ARHGAP11A: variants seen among roughly 807,000 people sequenced by gnomAD.
The protein encoded by ARHGAP11A is rho GTPase-activating protein 11A.
A neutral mutation model predicts 60.5 loss-of-function variants in ARHGAP11A; 36 were observed. That is an observed-to-expected ratio of 0.59 (90% CI 0.46 to 0.79). The LOEUF is 0.79. ARHGAP11A is among the 30% of genes least tolerant of loss of function. The probability of loss-of-function intolerance (pLI) is 0.00; values close to 1 mark genes in which losing one functional copy is unlikely to be tolerated. For missense variants in ARHGAP11A, 1,071 were observed against 1,199.2 expected (o/e 0.89, Z 1.58); for synonymous variants, 362 against 415.5 (o/e 0.87, Z 1.57).
Position 32,624,400 on chromosome 15 carries a change from T to A in ARHGAP11A, c.525T>A (p.Phe175Leu). The change falls in exon 4 of 12, where the codon TTT (phenylalanine) becomes TTA (leucine). Residue 175 changes from phenylalanine to leucine, a missense_variant. Physicochemically the swap from Phe to Leu is conservative, Grantham distance 22. Coordinates refer to ENST00000361627, the MANE Select transcript of ARHGAP11A (RefSeq NM_014783.6). Reference protein sequence around the residue: ...DHTVHVLRYFFNFLRNVSLRS... With the variant: ...DHTVHVLRYFLNFLRNVSLRS... ...CAGTTCATGTATTAAGATACTTCTTTAACTTTCTCAGGAATGTTTCTCTTA... is the reference window on the plus strand; with the variant it reads ...CAGTTCATGTATTAAGATACTTCTTAAACTTTCTCAGGAATGTTTCTCTTA... 6.2e-7 allele frequency: 1 copy of A among 1,612,978 alleles called. No individual in the cohort carries two copies.
intron 8 of ARHGAP11A, among the ~76,000 whole-genome samples, chr15:32,632,394 G>T: frequency 6.6e-6 from 1 of 152,192 alleles, no homozygotes; most frequent in Non-Finnish European, 1.5e-5. Context: ...ATGTGTTATA[G>T]AATAATTAGT....
Position 32,633,287 on chromosome 15 carries a change from A to C in ARHGAP11A, c.1235+179A>C, listed in dbSNP as rs201475379. ...CAATACCCACCAGAGAAAAATTACTAATTTGAGTCCGCTTTGCTTGCTTAA... is the reference window on the plus strand; with the variant it reads ...CAATACCCACCAGAGAAAAATTACTCATTTGAGTCCGCTTTGCTTGCTTAA... On this transcript the variant is annotated intron_variant, in intron 9 of 11. Transcript: ENST00000361627. 2.4e-4 allele frequency among the ~76,000 whole-genome samples: 37 copies of C among 152,260 alleles called. 1 individual carries two copies. The East Asian group carries it at 7.1e-3, about 29-fold the overall frequency.
chr15:32,619,525 C>T (rs1432382445), intron 1 of ARHGAP11A, among the ~76,000 whole-genome samples: 1 of 151,702 alleles, frequency 6.6e-6, no homozygotes, highest in Non-Finnish European at 1.5e-5. Flanking sequence ...TTTGCACACT[C>T]CTGCCTTGCT....
chr15:32,627,389 T>G (rs572237919), intron 6 of ARHGAP11A, among the ~76,000 whole-genome samples: 1 of 152,058 alleles, frequency 6.6e-6, no homozygotes, highest in African/African-American at 2.4e-5. Flanking sequence ...ACAGTTTTCA[T>G]GTCGTATAAG....
chr15:32,618,986 C>A (rs1244549148), intron 1 of ARHGAP11A, among the ~76,000 whole-genome samples: 1 of 152,120 alleles, frequency 6.6e-6, no homozygotes, highest in East Asian at 1.9e-4. Context: ...CCTTCAGGAG[C>A]CTACTCTCTT....
At chr15:32,630,816 G>C (rs563554890) in intron 8 of ARHGAP11A, among the ~76,000 whole-genome samples, 115 of 151,764 alleles carry the variant, frequency 7.6e-4, no homozygotes, top group Non-Finnish European at 1.3e-3. Context: ...TGTAGCTTTT[G>C]CAGTGTTCAC....
rs753150764 is a variant in ARHGAP11A at position 32,637,516 on chromosome 15, G to A, written c.2743G>A (p.Ala915Thr). ...GTCATGTGAAGAGTCAAATATTGGT[G>A]CAATTTCAAAGTCAAGCATGGAGTT... ...SMSCEESNIG[A>T]ISKSSMELPS... is the part of the protein sequence containing the mutation. The change falls in exon 12 of 12, where the codon GCA (alanine) becomes ACA (threonine). Residue 915 changes from alanine (A) to threonine (T), a missense_variant. This residue lies in a region of ARHGAP11A where 776 missense variants were observed against 760.2 expected (regional missense o/e 1.02). Coordinates refer to ENST00000361627, the MANE Select transcript of ARHGAP11A (RefSeq NM_014783.6). 3.7e-6 allele frequency: 6 copies of A among 1,613,790 alleles called. No individual in the cohort carries two copies. Among genetic ancestry groups the A allele is most frequent in the Non-Finnish European group, 8.5e-7 (1 of 1,179,994 alleles).
At chr15:32,618,129 G>T (rs1194592722) in intron 1 of ARHGAP11A, among the ~76,000 whole-genome samples, 2 of 152,094 alleles carry the variant, frequency 1.3e-5, no homozygotes, top group African/African-American at 4.8e-5. Context: ...CATTGTGTTA[G>T]GAGATCTAAT....
intron 6 of ARHGAP11A, among the ~76,000 whole-genome samples, chr15:32,628,154 C>G (rs1381610515): frequency 6.6e-6 from 1 of 152,226 alleles, no homozygotes; most frequent in Admixed American, 6.5e-5. Flanking sequence ...GTATCTCACA[C>G]ACATACCCTT....
intron 9 of ARHGAP11A, among the ~76,000 whole-genome samples, chr15:32,633,407 G>T (rs993430223): frequency 5.9e-5 from 9 of 152,168 alleles, no homozygotes; most frequent in African/African-American, 2.2e-4. Flanking sequence ...TAGGGAGGCT[G>T]AGGTGGGTGG....
intron 3 of ARHGAP11A, 49 bp from the exon 4 acceptor site, chr15:32,624,124 A>G (rs772725936): frequency 9.9e-6 from 16 of 1,608,158 alleles, no homozygotes; most frequent in African/African-American, 6.7e-5. Context: ...TTTATTTGCA[A>G]TAAACTCTTA....
chr15:32,635,757 A>C lies in ARHGAP11A; in HGVS notation c.1345-20A>C. The C allele has an allele frequency of 6.8e-7, 1 of 1,474,004 alleles. No individual in the cohort carries two copies. Among genetic ancestry groups the C allele is most frequent in the Non-Finnish European group, 9.0e-7 (1 of 1,107,248 alleles). The allele number at this position is 1,474,004 out of a possible 1,614,324, so 91.3% of individuals were successfully genotyped here. On this transcript the variant is annotated intron_variant, in intron 10 of 11. Transcript: ENST00000361627. ...TAACTAGGCTTATTTCTTAACTAAAACTTTTTTTTTTCTGTACAGAATGGA... is the reference window on the plus strand; with the variant it reads ...TAACTAGGCTTATTTCTTAACTAAACCTTTTTTTTTTCTGTACAGAATGGA...
intron 3 of ARHGAP11A, among the ~76,000 whole-genome samples, chr15:32,623,942 T>C (rs2053395328): frequency 6.6e-6 from 1 of 151,940 alleles, no homozygotes; most frequent in Non-Finnish European, 1.5e-5. Context: ...GCAGGAAGAT[T>C]GCTTGAGCCT....
chr15:32,638,900 A>G lies in ARHGAP11A; in HGVS notation c.*1055A>G, dbSNP rs546874918. ...AAAAAATTAACCAAGGTGATTTCTT[A>G]TATGTAGATGCTCGATTTTGGAATT... is the stretch of plus-strand genomic sequence containing the variant. On this transcript the variant is annotated 3_prime_UTR_variant, in exon 12 of 12. Coordinates refer to ENST00000361627, the MANE Select transcript of ARHGAP11A (RefSeq NM_014783.6). 2 of 152,762 alleles carry G rather than the reference A, an allele frequency of 1.3e-5. No homozygotes were observed. Among genetic ancestry groups the G allele is most frequent in the Non-Finnish European group, 2.9e-5 (2 of 68,028 alleles). 9.5% of individuals were successfully genotyped at this position (152,762 alleles called of 1,614,324 possible). A position where few individuals can be genotyped will look rare whatever the true frequency, so the allele number is the denominator to read the frequency against.
At position 32,638,272 on chromosome 15, in the gene ARHGAP11A, C is replaced by G. The variant is rs913896805; in HGVS notation, c.*427C>G. ...GTATTTTTAGTAGAGACGGTTTCAC[C>G]GTGTTAGCCAGGATGGTCTCGATCT... On this transcript the variant is annotated 3_prime_UTR_variant, in exon 12 of 12. Coordinates refer to ENST00000361627, the MANE Select transcript of ARHGAP11A (RefSeq NM_014783.6). 1 of 156,438 alleles carries G rather than the reference C, an allele frequency of 6.4e-6. No individual in the cohort carries two copies. The highest frequency in any genetic ancestry group is 1.4e-5 in the Non-Finnish European group (1 of 71,118). 9.7% of individuals were successfully genotyped at this position (156,438 alleles called of 1,614,324 possible). A position where few individuals can be genotyped will look rare whatever the true frequency, so the allele number is the denominator to read the frequency against.
rs892693495 is a variant in ARHGAP11A, at chr15:32,637,841, T to G, written c.3068T>G (p.Leu1023Trp). 16 of 1,586,552 alleles carry G rather than the reference T, an allele frequency of 1.0e-5. No homozygotes were observed. The African/African-American group carries it at 2.2e-4, about 22-fold the overall frequency. ...QLLPTSKPVD[L>W] ...CTACCAACAAGTAAACCTGTAGATT[T>G]GTAATTGGTAAATGTTATACTTGTC... The change falls in exon 12 of 12, where the codon TTG becomes TGG. Residue 1023 changes from leucine (L) to tryptophan (W), a missense_variant. This residue lies in a region of ARHGAP11A where 776 missense variants were observed against 760.2 expected (regional missense o/e 1.02). Coordinates refer to ENST00000361627, the MANE Select transcript of ARHGAP11A (RefSeq NM_014783.6).
rs2140483977 is a variant in ARHGAP11A, at chr15:32,638,891, T to G, written c.*1046T>G. The G allele has an allele frequency of 6.5e-6, 1 of 152,752 alleles. No homozygotes were observed. The highest frequency in any genetic ancestry group is 3.4e-3 in the Middle Eastern group (1 of 294). 9.5% of individuals were successfully genotyped at this position (152,752 alleles called of 1,614,324 possible). A position where few individuals can be genotyped will look rare whatever the true frequency, so the allele number is the denominator to read the frequency against. On this transcript the variant is annotated 3_prime_UTR_variant, in exon 12 of 12. Transcript: ENST00000361627. ...TAATCTTGAAAAAAATTAACCAAGGTGATTTCTTATATGTAGATGCTCGAT... is the reference window on the plus strand; with the variant it reads ...TAATCTTGAAAAAAATTAACCAAGGGGATTTCTTATATGTAGATGCTCGAT...
intron 2 of ARHGAP11A, 137 bp from the exon 3 acceptor site, chr15:32,623,355 T>C (rs374832576): frequency 4.2e-6 from 3 of 722,284 alleles, no homozygotes; most frequent in African/African-American, 3.7e-5. Context: ...AAAAGTAACA[T>C]TTCATCTCAA....
chr15:32,618,758 A>ACCCCCCC (rs57091917), intron 1 of ARHGAP11A, among the ~76,000 whole-genome samples: 35 of 117,438 alleles, frequency 3.0e-4, no homozygotes, highest in Non-Finnish European at 3.2e-4. Context: ...ACACGGTGAA[A>ACCCCCCC]CCCCCCCCCC....
Sources: allele counts gnomAD v4.1 joint callset (sites outside exome capture counted in the v4.1 genomes callset), GRCh38; gene constraint gnomAD v4.1.1; regional missense constraint gnomAD v4.1.1; transcripts MANE v1.5; gene names NCBI Gene and HGNC (gene_info 2026-07-23, HGNC 2026-07-21).